GAB3: variants seen among roughly 807,000 people sequenced by gnomAD.
GAB3 encodes the protein GRB2 associated binding protein 3.
Under a neutral mutation model 40.4 loss-of-function variants are expected in GAB3, and 12 were observed. The observed-to-expected ratio is 0.30, with a 90% CI of 0.19 to 0.48. The LOEUF (loss-of-function observed/expected upper bound fraction) is 0.48. Among genes scored for constraint, GAB3 ranks in the 20% least tolerant of loss-of-function variants. The probability of loss-of-function intolerance (pLI) is 0.99; values close to 1 mark genes in which losing one functional copy is unlikely to be tolerated. For synonymous variants in GAB3, 154 were observed against 176.7 expected (o/e 0.87, Z 1.02); for missense variants, 381 against 461.9 (o/e 0.82, Z 1.61).
chrX:154,738,284 T>A (rs1557260785), intron 1 of GAB3, among the ~76,000 whole-genome samples: 3 of 112,507 alleles, frequency 2.7e-5, no homozygotes, highest in Non-Finnish European at 5.6e-5. Context: ...TTTATTTAGT[T>A]CTGGTACCAG....
chrX:154,680,443 C>T (rs183694479), intron 8 of GAB3, among the ~76,000 whole-genome samples, 195 bp from the exon 9 acceptor site: 19 of 112,105 alleles, frequency 1.7e-4, no homozygotes, highest in African/African-American at 6.1e-4. Context: ...ATTTGGCCTT[C>T]GCAATGAAAC....
chrX:154,750,999 G>A lies in GAB3; in HGVS notation c.27C>T (p.Thr9=). 3 of 826,307 alleles carry A rather than the reference G, an allele frequency of 3.6e-6. No individual in the cohort carries two copies. The highest frequency in any genetic ancestry group is 3.0e-6 in the Non-Finnish European group (2 of 677,566). The allele number at this position is 826,307 out of a possible 1,213,427, so 68.1% of individuals were successfully genotyped here. A position where few individuals can be genotyped will look rare whatever the true frequency, so the allele number is the denominator to read the frequency against. Residue 9 remains threonine, a synonymous_variant, in exon 1 of 10, where the codon ACC becomes ACT. Transcript: ENST00000424127. MSAGDAVC[T]GWLVKSPPER... is the part of the protein sequence containing the mutation. The stretch of plus-strand genomic sequence containing the variant: ...CGGGGGGCGACTTAACGAGCCAGCC[G>A]GTGCACACTGCGTCGCCCGCACTCA...
At chrX:154,702,665 T>A (rs1309045961) in intron 4 of GAB3, among the ~76,000 whole-genome samples, 24 of 111,941 alleles carry the variant, frequency 2.1e-4, no homozygotes, top group African/African-American at 7.5e-4. Context: ...AAACTACCCA[T>A]CTGACAAGGG....
Position 154,688,559 on chromosome X carries a change from C to T in GAB3, c.1530+7358G>A, listed in dbSNP as rs186585424. Among the ~76,000 whole-genome samples, 137 of 111,278 alleles carry T rather than the reference C, an allele frequency of 1.2e-3. 2 individuals are homozygous for T. The Middle Eastern group carries it at 0.014, about 11-fold the overall frequency. On this transcript the variant is annotated intron_variant, in intron 8 of 9. Coordinates refer to ENST00000424127, the MANE Select transcript of GAB3 (RefSeq NM_001081573.3). ...CCTCCCAAAGTGCTGGGACTACAGGCGTGAGCCACCATGGCTGGCCCCTTT... is the reference window on the plus strand; with the variant it reads ...CCTCCCAAAGTGCTGGGACTACAGGTGTGAGCCACCATGGCTGGCCCCTTT...
rs782639374 is a variant in GAB3 at position 154,716,083 on chromosome X, C to A, written c.319G>T (p.Val107Leu). Reference sequence around the variant, plus strand: ...ACCTGACTGATGCTGTGCACCCACACCTGCATTTCTTGCTCAGTTTTGGCC... The same window carrying A: ...ACCTGACTGATGCTGTGCACCCACAACTGCATTTCTTGCTCAGTTTTGGCC... ...LVAKTEQEMQ[V>L]WVHSISQVCN... is the part of the protein sequence containing the mutation. The change falls in exon 2 of 10, where the codon GTG becomes TTG. Residue 107 changes from valine to leucine, a missense_variant. Val to Leu is a conservative substitution (Grantham distance 32). Around this residue, in one of 2 missense-constraint regions of GAB3, gnomAD observed 364 missense variants for 421.0 expected, o/e 0.86. Coordinates refer to ENST00000424127, the MANE Select transcript of GAB3 (RefSeq NM_001081573.3). 5.0e-6 allele frequency: 6 copies of A among 1,211,064 alleles called. No individual in the cohort carries two copies. In the South Asian group the frequency reaches 8.8e-5, roughly 18 times the overall value.
chrX:154,709,331 T>C (rs1400741821), intron 4 of GAB3, among the ~76,000 whole-genome samples: 5 of 108,582 alleles, frequency 4.6e-5, no homozygotes, highest in African/African-American at 1.7e-4. Flanking sequence ...AGTTTTTTTT[T>C]TTTTTTTGAG....
chrX:154,703,686 A>G (rs1350942854), intron 4 of GAB3, among the ~76,000 whole-genome samples: 1 of 112,501 alleles, frequency 8.9e-6, no homozygotes, highest in Admixed American at 9.4e-5. Flanking sequence ...AAAAACTGCA[A>G]TGAGATTATC....
At chrX:154,709,610 C>G (rs1241791414) in intron 4 of GAB3, among the ~76,000 whole-genome samples, 1 of 109,976 alleles carries the variant, frequency 9.1e-6, no homozygotes, top group Non-Finnish European at 1.9e-5. Flanking sequence ...AGCCACCGCA[C>G]CCAGCCTCAA....
chrX:154,704,868 C>G (rs2070785213), intron 4 of GAB3, among the ~76,000 whole-genome samples: 1 of 111,419 alleles, frequency 9.0e-6, no homozygotes, highest in Non-Finnish European at 1.9e-5. Flanking sequence ...CACGTAAAAC[C>G]TACCAAGATT....
intron 1 of GAB3, among the ~76,000 whole-genome samples, chrX:154,722,324 G>A (rs191801034): frequency 6.3e-5 from 7 of 111,443 alleles, no homozygotes; most frequent in African/African-American, 1.6e-4. Flanking sequence ...GTAGGTCAAA[G>A]GATACAAAGT....
chrX:154,745,047 T>G (rs891595590), intron 1 of GAB3, among the ~76,000 whole-genome samples: 1 of 112,136 alleles, frequency 8.9e-6, no homozygotes. Context: ...AGAAGGAAGA[T>G]TGGCCAGGTG....
intron 8 of GAB3, among the ~76,000 whole-genome samples, chrX:154,691,592 A>G (rs1206133257): frequency 5.4e-5 from 6 of 111,851 alleles, no homozygotes; most frequent in Non-Finnish European, 7.5e-5. Context: ...TAACATGATA[A>G]TATTATGCAA....
chrX:154,719,272 C>T (rs1557258224), intron 1 of GAB3, among the ~76,000 whole-genome samples: 3 of 112,344 alleles, frequency 2.7e-5, no homozygotes, highest in African/African-American at 9.7e-5. Flanking sequence ...GAGCAAGCCA[C>T]ATGCCCTGCC....
intron 1 of GAB3, among the ~76,000 whole-genome samples, chrX:154,728,072 G>C (rs1419230408): frequency 2.7e-5 from 3 of 111,144 alleles, no homozygotes; most frequent in African/African-American, 9.8e-5. Context: ...TTTCTGGTGA[G>C]AGTGATTATT....
At chrX:154,708,660 G>C (rs1256519695) in intron 4 of GAB3, among the ~76,000 whole-genome samples, 1 of 111,800 alleles carries the variant, frequency 8.9e-6, no homozygotes, top group Non-Finnish European at 1.9e-5. Context: ...ACCACACAAG[G>C]TATCGGCCCA....
At chrX:154,712,125 C>T in intron 4 of GAB3, 104 bp downstream of exon 4, 1 of 565,919 alleles carries the variant, frequency 1.8e-6, no homozygotes, top group Non-Finnish European at 2.8e-6. Context: ...TAATTCTAAC[C>T]CAGCCCCATC....
At position 154,712,462 on chromosome X, in the gene GAB3, C is replaced by A. The variant is rs369854278; in HGVS notation, c.836G>T (p.Ser279Ile). ...TACCTGAATGGTGGAACTTAAGGAA[C>A]TTTCCAGCAATGGTGAAGAAGACAA... Reference protein sequence around the residue: ...DHLSSSPLLESSLSSTIQVDK... With the variant: ...DHLSSSPLLEISLSSTIQVDK... The change falls in exon 4 of 10, where the codon AGT (serine) becomes ATT (isoleucine). Residue 279 changes from serine to isoleucine, a missense_variant. By Grantham distance (142) the Ser-to-Ile change is moderately radical (BLOSUM62 -2). This residue lies in a region of GAB3 where 364 missense variants were observed against 421.0 expected (regional missense o/e 0.86). Coordinates refer to ENST00000424127, the MANE Select transcript of GAB3 (RefSeq NM_001081573.3). The A allele has an allele frequency of 3.1e-5, 38 of 1,209,197 alleles. No homozygotes were observed. In the African/African-American group the frequency reaches 6.0e-4, roughly 19 times the overall value.
At chrX:154,724,617 C>T (rs942023657) in intron 1 of GAB3, among the ~76,000 whole-genome samples, 20 of 111,959 alleles carry the variant, frequency 1.8e-4, no homozygotes, top group African/African-American at 5.8e-4. Context: ...CAAAACCCTG[C>T]AATATCCTGT....
chrX:154,735,482 CACATCTCAGTACATGGCAACTCTA>C (rs1557260424), intron 1 of GAB3, among the ~76,000 whole-genome samples: 4 of 112,229 alleles, frequency 3.6e-5, no homozygotes, highest in Non-Finnish European at 7.5e-5. Flanking sequence ...TTGGGGCTTT[CACATCTCAGTACATGGCAACTCTA>C]TCCTTCCAGC....
Sources: allele counts gnomAD v4.1 joint callset (sites outside exome capture counted in the v4.1 genomes callset), GRCh38; gene constraint gnomAD v4.1.1; regional missense constraint gnomAD v4.1.1; transcripts MANE v1.5; gene names NCBI Gene and HGNC (gene_info 2026-07-23, HGNC 2026-07-21).